Variants in LRP1B observed in about 807,000 individuals in gnomAD.
The protein encoded by LRP1B is low-density lipoprotein receptor-related protein 1B.
Under a neutral mutation model 556.6 loss-of-function variants are expected in LRP1B, and 217 were observed. The ratio of observed to expected loss-of-function variants is 0.39; its 90% CI spans 0.35 to 0.44. LRP1B has a LOEUF of 0.44. LRP1B is among the 20% of genes least tolerant of loss of function. The pLI, the probability that LRP1B is intolerant of heterozygous loss-of-function variation, is 1.00. For missense variants in LRP1B, 5,053 were observed against 5,620.8 expected, an observed-to-expected ratio of 0.90 and a Z score of 3.23; for synonymous variants, 2,047 against 1,865.8, an observed-to-expected ratio of 1.10 and a Z score of -2.50.
At chr2:141,562,661 C>T (rs62169798) in intron 2 of LRP1B, among the ~76,000 whole-genome samples, 1 of 151,838 alleles carries the variant, frequency 6.6e-6, no homozygotes, top group Non-Finnish European at 1.5e-5. Context: ...TGGCTTCACT[C>T]CGTAAAACAA....
At chr2:141,339,488 T>C (rs186685751) in intron 3 of LRP1B, among the ~76,000 whole-genome samples, 7 of 152,284 alleles carry the variant, frequency 4.6e-5, no homozygotes, top group Admixed American at 1.3e-4. Context: ...AGTCAGCAAG[T>C]TAAACATCCC....
chr2:142,063,129 A>G (rs2104896309), intron 1 of LRP1B, among the ~76,000 whole-genome samples: 1 of 151,410 alleles, frequency 6.6e-6, no homozygotes, highest in Middle Eastern at 3.4e-3. Context: ...ATTTATTGAG[A>G]GTTTATTTGT....
At chr2:141,219,280 C>T (rs1253139030) in intron 6 of LRP1B, among the ~76,000 whole-genome samples, 1 of 152,148 alleles carries the variant, frequency 6.6e-6, no homozygotes, top group Non-Finnish European at 1.5e-5. Flanking sequence ...GGAGATCGGG[C>T]AGTTTAAACT....
At chr2:140,784,795 G>A (rs1158311354) in intron 32 of LRP1B, among the ~76,000 whole-genome samples, 1 of 151,732 alleles carries the variant, frequency 6.6e-6, no homozygotes, top group East Asian at 1.9e-4. Flanking sequence ...CTGATAGAAA[G>A]TTTAAAGTTG....
At chr2:140,703,876 G>A (rs1179099743) in intron 37 of LRP1B, among the ~76,000 whole-genome samples, 1 of 152,120 alleles carries the variant, frequency 6.6e-6, no homozygotes, top group East Asian at 1.9e-4. Context: ...CCACAGTATA[G>A]ATGTACATTT....
At chr2:141,556,002 G>A (rs908979637) in intron 2 of LRP1B, among the ~76,000 whole-genome samples, 6 of 151,436 alleles carry the variant, frequency 4.0e-5, no homozygotes, top group African/African-American at 7.3e-5. Context: ...GTTTATGGCC[G>A]CTACACACAT....
intron 7 of LRP1B, among the ~76,000 whole-genome samples, chr2:141,175,676 GT>G (rs1680701856): frequency 1.3e-5 from 2 of 152,248 alleles, no homozygotes; most frequent in African/African-American, 4.8e-5. Context: ...AGAATGTGGG[GT>G]TGGAGCTCCC....
chr2:141,319,521 C>T (rs890797173), intron 3 of LRP1B, among the ~76,000 whole-genome samples: 1 of 151,892 alleles, frequency 6.6e-6, no homozygotes, highest in Admixed American at 6.6e-5. Flanking sequence ...GCATGCTGCA[C>T]AGCTATAATG....
At chr2:140,943,536 A>C (rs1695459591) in intron 20 of LRP1B, among the ~76,000 whole-genome samples, 2 of 152,110 alleles carry the variant, frequency 1.3e-5, no homozygotes, top group Admixed American at 1.3e-4. Flanking sequence ...AGTCTCAATA[A>C]ATTTTTAAAA....
At chr2:141,176,164 C>T (rs545565866) in intron 7 of LRP1B, among the ~76,000 whole-genome samples, 1 of 152,140 alleles carries the variant, frequency 6.6e-6, no homozygotes, top group Non-Finnish European at 1.5e-5. Flanking sequence ...TGGACTTGGA[C>T]TTTTGAGTCA....
rs59699046 is a variant in LRP1B, at chr2:141,212,249, A to ATTTTTTTTTTTTTT, written c.850+16920_850+16933dup. On this transcript the variant is annotated intron_variant, in intron 6 of 90. Transcript: ENST00000389484. ...AAGATATATTGATCAAAAAGTCTAG[A>ATTTTTTTTTTTTTT]TTTTTTTTTTTTTTTTTTTTTTTTT... 2.9e-4 allele frequency among the ~76,000 whole-genome samples: 18 copies of ATTTTTTTTTTTTTT among 62,270 alleles called. 4 individuals are homozygous for ATTTTTTTTTTTTTT. The highest frequency in any genetic ancestry group is 4.0e-4 in the Non-Finnish European group (13 of 32,700). The allele number at this position is 62,270 out of a possible 152,430, so 40.9% of individuals were successfully genotyped here.
intron 84 of LRP1B, among the ~76,000 whole-genome samples, chr2:140,286,951 G>C (rs958928249): frequency 2.1e-4 from 32 of 151,694 alleles, no homozygotes; most frequent in African/African-American, 7.5e-4. Context: ...TACAGATAGT[G>C]TAACTGTCAC....
chr2:141,798,600 G>A (rs533992704), intron 2 of LRP1B, among the ~76,000 whole-genome samples: 29 of 150,696 alleles, frequency 1.9e-4, no homozygotes, highest in Non-Finnish European at 4.0e-4. Context: ...CCAGCTACTC[G>A]GGAGGCTGAG....
intron 84 of LRP1B, among the ~76,000 whole-genome samples, chr2:140,292,313 C>T (rs974442764): frequency 6.6e-6 from 1 of 152,170 alleles, no homozygotes; most frequent in Non-Finnish European, 1.5e-5. Flanking sequence ...GTCATAGCAA[C>T]ATCTCTGGTA....
At chr2:141,406,018 A>C (rs1690619699) in intron 3 of LRP1B, among the ~76,000 whole-genome samples, 1 of 152,088 alleles carries the variant, frequency 6.6e-6, no homozygotes, top group African/African-American at 2.4e-5. Flanking sequence ...TATGGTTAAC[A>C]AAATAGAGAG....
intron 2 of LRP1B, among the ~76,000 whole-genome samples, chr2:141,636,058 A>G (rs1016565864): frequency 2.6e-5 from 4 of 152,142 alleles, no homozygotes; most frequent in Admixed American, 2.0e-4. Flanking sequence ...TTGACAATCA[A>G]TATTAAGTGC....
At position 141,087,119 on chromosome 2, in the gene LRP1B, T is replaced by C. The variant is rs529825346; in HGVS notation, c.1014-24846A>G. 2.3e-4 allele frequency among the ~76,000 whole-genome samples: 35 copies of C among 152,306 alleles called. No homozygotes were observed. The South Asian group carries it at 7.2e-3, about 32-fold the overall frequency. ...GTGGACTAGAGTTGATGAAACCAGT[T>C]GATTGTCTCCAAACTTTCATTCCTT... is the stretch of plus-strand genomic sequence containing the variant. On this transcript the variant is annotated intron_variant, in intron 7 of 90. Coordinates refer to ENST00000389484, the MANE Select transcript of LRP1B (RefSeq NM_018557.3).
intron 1 of LRP1B, among the ~76,000 whole-genome samples, chr2:141,929,912 C>CAAAAAA (rs70994467): frequency 2.9e-5 from 3 of 104,134 alleles, no homozygotes; most frequent in African/African-American, 7.6e-5. Context: ...CGGATGGAAA[C>CAAAAAA]AAAAAAAAAA....
intron 11 of LRP1B, among the ~76,000 whole-genome samples, chr2:141,039,014 CCA>C (rs1408713802): frequency 8.6e-5 from 13 of 152,002 alleles, no homozygotes; most frequent in African/African-American, 2.9e-4. Flanking sequence ...TCTTTGTCAG[CCA>C]CAGTCTGAAA....
Sources: allele counts gnomAD v4.1 joint callset (sites outside exome capture counted in the v4.1 genomes callset), GRCh38; gene constraint gnomAD v4.1.1; transcripts MANE v1.5; gene names NCBI Gene and HGNC (gene_info 2026-07-23, HGNC 2026-07-21).